Variants in NBEAL1 observed in about 807,000 individuals in gnomAD.
NBEAL1 encodes the protein neurobeachin-like protein 1.
A neutral mutation model predicts 351.3 loss-of-function variants in NBEAL1; 273 were observed. The observed-to-expected ratio is 0.78, with a 90% confidence interval of 0.70 to 0.86. The LOEUF (loss-of-function observed/expected upper bound fraction) is 0.86, where lower values mean the gene tolerates loss of function less well. NBEAL1 is among the 40% of genes least tolerant of loss of function. The pLI is 0.00. For missense variants in NBEAL1, 2,961 were observed against 3,201.3 expected (o/e 0.92, Z 1.81); for synonymous variants, 1,050 against 1,086.4 (o/e 0.97, Z 0.66).
chr2:203,133,192 T>C (rs1180038679), intron 27 of NBEAL1, 46 bp downstream of exon 27: 2 of 809,192 alleles, frequency 2.5e-6, no homozygotes, highest in Non-Finnish European at 3.8e-6. Flanking sequence ...AGCATCACCA[T>C]CATGCTATAA....
intron 2 of NBEAL1, among the ~76,000 whole-genome samples, chr2:203,037,166 A>G (rs1221379701): frequency 1.3e-5 from 2 of 149,462 alleles, no homozygotes; most frequent in African/African-American, 2.4e-5. Flanking sequence ...CAAATAGACA[A>G]AAGGTCAGTA....
chr2:203,185,608 T>C (rs2064872683), intron 44 of NBEAL1, among the ~76,000 whole-genome samples: 1 of 152,214 alleles, frequency 6.6e-6, no homozygotes, highest in Non-Finnish European at 1.5e-5. Flanking sequence ...GGAATTCTGC[T>C]GGTCTTGCTT....
Position 203,125,487 on chromosome 2 carries a change from G to A in NBEAL1, c.2818G>A (p.Asp940Asn). 6.5e-7 allele frequency: 1 copy of A among 1,533,916 alleles called. No homozygotes were observed. Among genetic ancestry groups the A allele is most frequent in the Non-Finnish European group, 8.8e-7 (1 of 1,140,040 alleles). The change falls in exon 20 of 56, where the codon GAT (aspartate) becomes AAT (asparagine). Residue 940 changes from aspartate (D) to asparagine (N), a missense_variant. Coordinates refer to ENST00000683969, the MANE Select transcript of NBEAL1 (RefSeq NM_001378026.1). ...TGAATCAGTAACACCTGTTGAAGGAGATTGGCTCGTATGGACTTCCACAAA... is the reference window on the plus strand; with the variant it reads ...TGAATCAGTAACACCTGTTGAAGGAAATTGGCTCGTATGGACTTCCACAAA... ...VPESVTPVEG[D>N]WLVWTSTKAS...
intron 55 of NBEAL1, among the ~76,000 whole-genome samples, chr2:203,214,433 T>C (rs2065864626): frequency 6.6e-6 from 1 of 152,218 alleles, no homozygotes; most frequent in Non-Finnish European, 1.5e-5. Flanking sequence ...TTAGTCCTTA[T>C]GCTTTTTTTC....
At chr2:203,044,088 A>G (rs1463295204) in intron 3 of NBEAL1, among the ~76,000 whole-genome samples, 1 of 152,174 alleles carries the variant, frequency 6.6e-6, no homozygotes, top group African/African-American at 2.4e-5. Flanking sequence ...GAGCCCAGTT[A>G]AGAGATAATT....
intron 34 of NBEAL1, among the ~76,000 whole-genome samples, chr2:203,150,017 T>A (rs1310994887): frequency 6.6e-6 from 1 of 152,194 alleles, no homozygotes; most frequent in Non-Finnish European, 1.5e-5. Context: ...ATAGTGCTGC[T>A]GGGAACATTT....
chr2:203,154,441 A>T (rs2063745303), intron 35 of NBEAL1, among the ~76,000 whole-genome samples: 1 of 152,142 alleles, frequency 6.6e-6, no homozygotes, highest in Admixed American at 6.6e-5. Context: ...AGTTTTGTCT[A>T]TATTTCCGTT....
At chr2:203,055,108 A>C (rs1174703912) in intron 4 of NBEAL1, among the ~76,000 whole-genome samples, 1 of 152,052 alleles carries the variant, frequency 6.6e-6, no homozygotes, top group African/African-American at 2.4e-5. Context: ...GTAATTTTTC[A>C]CTTCCTTATT....
chr2:203,031,405 A>G (rs1434283424), intron 2 of NBEAL1, among the ~76,000 whole-genome samples: 2 of 152,194 alleles, frequency 1.3e-5, no homozygotes, highest in Admixed American at 6.5e-5. Flanking sequence ...TTTGTATACA[A>G]TTTCATTTTA....
At chr2:203,127,713 C>T in intron 23 of NBEAL1, 68 bp from the exon 24 acceptor site, 1 of 1,026,902 alleles carries the variant, frequency 9.7e-7, no homozygotes, top group Non-Finnish European at 1.4e-6. Flanking sequence ...CAGAGCGAGA[C>T]TCCATCTCAG....
chr2:203,033,400 AATAG>A (rs2060985270), intron 2 of NBEAL1, among the ~76,000 whole-genome samples: 1 of 152,224 alleles, frequency 6.6e-6, no homozygotes. Context: ...TGTACTAAGG[AATAG>A]ATTTATATTG....
chr2:203,058,830 G>C (rs947025170), intron 6 of NBEAL1, among the ~76,000 whole-genome samples: 2 of 152,168 alleles, frequency 1.3e-5, no homozygotes, highest in African/African-American at 4.8e-5. Flanking sequence ...GAATATAGAA[G>C]GGTGGGTTGG....
At chr2:203,195,225 A>G (rs2065206651) in intron 47 of NBEAL1, among the ~76,000 whole-genome samples, 1 of 146,394 alleles carries the variant, frequency 6.8e-6, no homozygotes, top group Non-Finnish European at 1.6e-5. Flanking sequence ...TTTTACTCAA[A>G]TGAACAATAT....
chr2:203,145,295 A>G (rs1237817376), intron 33 of NBEAL1, 135 bp downstream of exon 33: 10 of 814,216 alleles, frequency 1.2e-5, no homozygotes, highest in Middle Eastern at 7.3e-4. Context: ...TCTTAGAATT[A>G]GAAGAAAAAC....
Position 203,175,305 on chromosome 2 carries a change from A to T in NBEAL1, c.6464+18A>T. ...AGTGGAAGGTATGTTTTGAGTAAAT[A>T]AGCTATTTTTTTATGACTATGTTAG... On this transcript the variant is annotated intron_variant, in intron 42 of 55. Transcript: ENST00000683969. 6.2e-7 allele frequency: 1 copy of T among 1,612,992 alleles called. No individual in the cohort carries two copies. Among genetic ancestry groups the T allele is most frequent in the Non-Finnish European group, 8.5e-7 (1 of 1,179,478 alleles).
At chr2:203,119,424 C>CTTTTTTTATTTTTTTTTTTTTTT (rs2062776789) in intron 18 of NBEAL1, among the ~76,000 whole-genome samples, 1 of 66,656 alleles carries the variant, frequency 1.5e-5, no homozygotes, top group African/African-American at 5.7e-5. Context: ...CGGCCTGTTG[C>CTTTTTTTATTTTTTTTTTTTTTT]TTTTTTTTTT....
At position 203,041,869 on chromosome 2, in the gene NBEAL1, G is replaced by C; in HGVS notation, c.143+13G>C. The C allele has an allele frequency of 1.3e-6, 2 of 1,529,932 alleles. No individual in the cohort carries two copies. Among genetic ancestry groups the C allele is most frequent in the Non-Finnish European group, 1.8e-6 (2 of 1,127,540 alleles). 94.8% of individuals were successfully genotyped at this position (1,529,932 alleles called of 1,614,324 possible). A position where few individuals can be genotyped will look rare whatever the true frequency, so the allele number is the denominator to read the frequency against. ...AGCTGCCTACCAGGTATGTAGAAACGCTAATTTGTAACCCCTGGATGAGTT... is the reference window on the plus strand; with the variant it reads ...AGCTGCCTACCAGGTATGTAGAAACCCTAATTTGTAACCCCTGGATGAGTT... On this transcript the variant is annotated intron_variant, in intron 3 of 55. Coordinates refer to ENST00000683969, the MANE Select transcript of NBEAL1 (RefSeq NM_001378026.1).
chr2:203,121,010 G>A (rs1399051004), intron 18 of NBEAL1, among the ~76,000 whole-genome samples: 2 of 152,178 alleles, frequency 1.3e-5, no homozygotes, highest in East Asian at 3.8e-4. Context: ...TTAGATTCAA[G>A]GATGCTGCAT....
At chr2:203,063,590 A>C (rs2061535303) in intron 6 of NBEAL1, among the ~76,000 whole-genome samples, 1 of 152,034 alleles carries the variant, frequency 6.6e-6, no homozygotes, top group African/African-American at 2.4e-5. Context: ...GGAGAAAAGA[A>C]AAAAAGAAAT....
Sources: allele counts gnomAD v4.1 joint callset (sites outside exome capture counted in the v4.1 genomes callset), GRCh38; gene constraint gnomAD v4.1.1; transcripts MANE v1.5; gene names NCBI Gene and HGNC (gene_info 2026-07-23, HGNC 2026-07-21).